FREM2: variants seen among roughly 807,000 people sequenced by gnomAD.
The protein encoded by FREM2 is FRAS1 related extracellular matrix 2.
A neutral mutation model predicts 219.9 loss-of-function variants in FREM2; 119 were observed. That is an observed-to-expected ratio of 0.54 (90% CI 0.47 to 0.63). The LOEUF (loss-of-function observed/expected upper bound fraction) is 0.63. Ranked by LOEUF, FREM2 falls within the 30% of genes least tolerant of loss-of-function variation. The pLI, the probability that FREM2 is intolerant of heterozygous loss-of-function variation, is 0.00. For synonymous variants in FREM2, 1,562 were observed against 1,522.8 expected (o/e 1.03, Z -0.60); for missense variants, 4,030 against 3,993.6 (o/e 1.01, Z -0.25).
intron 6 of FREM2, among the ~76,000 whole-genome samples, chr13:38,813,384 C>T (rs1037049582): frequency 6.7e-6 from 1 of 150,074 alleles, no homozygotes; most frequent in African/African-American, 2.4e-5. Context: ...ATATGTCATA[C>T]CCCTCTCTCC....
At chr13:38,780,152 T>A (rs2137826523) in intron 4 of FREM2, among the ~76,000 whole-genome samples, 1 of 152,314 alleles carries the variant, frequency 6.6e-6, no homozygotes, top group African/African-American at 2.4e-5. Context: ...TAATTTGACA[T>A]GTCAGCTTGG....
chr13:38,698,240 A>G (rs1717399229), intron 2 of FREM2, among the ~76,000 whole-genome samples: 1 of 152,176 alleles, frequency 6.6e-6, no homozygotes, highest in South Asian at 2.1e-4. Context: ...AATGTGTTGC[A>G]TTCACCAAGA....
At chr13:38,729,550 G>A (rs1200595883) in intron 2 of FREM2, among the ~76,000 whole-genome samples, 1 of 151,872 alleles carries the variant, frequency 6.6e-6, no homozygotes, top group African/African-American at 2.4e-5. Context: ...GTCATCTTTA[G>A]TCTTACTAAA....
At chr13:38,742,781 G>GAGACTTAAATTAGTCTC (rs2137782523) in intron 2 of FREM2, among the ~76,000 whole-genome samples, 1 of 152,296 alleles carries the variant, frequency 6.6e-6, no homozygotes, top group Non-Finnish European at 1.5e-5. Context: ...TTCTCTCAAT[G>GAGACTTAAATTAGTCTC]AATTTTGAGA....
In FREM2 at chr13:38,881,068, T is replaced by G; in HGVS notation, c.*281T>G. 1 of 489,516 alleles carries G rather than the reference T, an allele frequency of 2.0e-6. No homozygotes were observed. Among genetic ancestry groups the G allele is most frequent in the African/African-American group, 1.9e-5 (1 of 51,568 alleles). The allele number at this position is 489,516 out of a possible 1,614,324, so 30.3% of individuals were successfully genotyped here. A position where few individuals can be genotyped will look rare whatever the true frequency, so the allele number is the denominator to read the frequency against. On this transcript the variant is annotated 3_prime_UTR_variant, in exon 24 of 24. Coordinates refer to ENST00000280481, the MANE Select transcript of FREM2 (RefSeq NM_207361.6). ...GAATGTACTCCTCATTTTAGACATA[T>G]TCTCTATGCAGTGGAGATAAATCTA...
intron 6 of FREM2, among the ~76,000 whole-genome samples, chr13:38,786,729 A>G (rs1874346212): frequency 6.6e-6 from 1 of 152,186 alleles, no homozygotes; most frequent in Non-Finnish European, 1.5e-5. Context: ...ATGCACATGC[A>G]GAAAAAAACA....
rs1878565369 is a variant in FREM2, at chr13:38,881,980, A to G, written c.*1193A>G. 6.6e-6 allele frequency: 1 copy of G among 152,136 alleles called. No individual in the cohort carries two copies. Among genetic ancestry groups the G allele is most frequent in the African/African-American group, 2.4e-5 (1 of 41,436 alleles). 9.4% of individuals were successfully genotyped at this position (152,136 alleles called of 1,614,324 possible). A position where few individuals can be genotyped will look rare whatever the true frequency, so the allele number is the denominator to read the frequency against. ...GGAGGTGGCCAGAATCATTGACCAT[A>G]TTTTTATTTGGTTCAAGAAGACATC... On this transcript the variant is annotated 3_prime_UTR_variant, in exon 24 of 24. Coordinates refer to ENST00000280481, the MANE Select transcript of FREM2 (RefSeq NM_207361.6).
At chr13:38,756,999 T>G (rs1390253898) in intron 2 of FREM2, among the ~76,000 whole-genome samples, 1 of 152,160 alleles carries the variant, frequency 6.6e-6, no homozygotes, top group Non-Finnish European at 1.5e-5. Flanking sequence ...TTGATGCCCC[T>G]CTGCACGTGT....
chr13:38,697,784 G>T lies in FREM2; in HGVS notation c.5260G>T (p.Gly1754Cys). 1 of 1,581,424 alleles carries T rather than the reference G, an allele frequency of 6.3e-7. No individual in the cohort carries two copies. Among genetic ancestry groups the T allele is most frequent in the Non-Finnish European group, 8.7e-7 (1 of 1,150,264 alleles). Residue 1754 changes from glycine (G) to cysteine (C), a missense_variant, in exon 2 of 24, where the codon GGT becomes TGT. By Grantham distance (159) the Gly-to-Cys change is radical. Coordinates refer to ENST00000280481, the MANE Select transcript of FREM2 (RefSeq NM_207361.6). ...SDMFYFAVED[G>C]GGNKLTYQNF... ...TATGTTCTATTTTGCAGTTGAAGAT[G>T]GTGGTAAGTATTCCCCTCTCCTGGT...
chr13:38,872,722 A>G lies in FREM2; in HGVS notation c.7984-20A>G. On this transcript the variant is annotated intron_variant, in intron 16 of 23. Coordinates refer to ENST00000280481, the MANE Select transcript of FREM2 (RefSeq NM_207361.6). ...AGTTAACACTGAGTCATGTTGATTGATGTAATTTTGTTGTTTTAGGTCCTA... is the reference window on the plus strand; with the variant it reads ...AGTTAACACTGAGTCATGTTGATTGGTGTAATTTTGTTGTTTTAGGTCCTA... 1.9e-6 allele frequency: 3 copies of G among 1,607,652 alleles called. No individual in the cohort carries two copies. Among genetic ancestry groups the G allele is most frequent in the Non-Finnish European group, 2.6e-6 (3 of 1,174,240 alleles).
intron 3 of FREM2, among the ~76,000 whole-genome samples, chr13:38,768,060 G>T (rs1873510457): frequency 6.6e-6 from 1 of 152,114 alleles, no homozygotes; most frequent in African/African-American, 2.4e-5. Flanking sequence ...TACAGCCCCA[G>T]CACATGGAAT....
In FREM2 at chr13:38,880,593, A is replaced by G. The variant is rs1297131612; in HGVS notation, c.9316A>G (p.Ser3106Gly). 8.7e-6 allele frequency: 14 copies of G among 1,613,850 alleles called. No homozygotes were observed. The highest frequency in any genetic ancestry group is 1.1e-5 in the Non-Finnish European group (13 of 1,179,824). Residue 3106 changes from serine to glycine, a missense_variant, in exon 24 of 24, where the codon AGC becomes GGC. Physicochemically the swap from Ser to Gly is moderately conservative, Grantham distance 56. This residue lies in a region of FREM2 where 928 missense variants were observed against 1,042.9 expected (regional missense o/e 0.89). Transcript: ENST00000280481. Reference protein sequence around the residue: ...GILPWELNSPSSAVSLVTVVG... With the variant: ...GILPWELNSPGSAVSLVTVVG... ...CCTCCCCTGGGAGCTCAACAGCCCC[A>G]GCTCTGCAGTCAGCCTGGTCACTGT...
chr13:38,814,743 C>T (rs898878644), intron 6 of FREM2, among the ~76,000 whole-genome samples: 9 of 152,190 alleles, frequency 5.9e-5, no homozygotes, highest in African/African-American at 1.7e-4. Flanking sequence ...ACCTGATGTT[C>T]TATTCTACTG....
Position 38,690,729 on chromosome 13 carries a change from G to A in FREM2, c.3385G>A (p.Ala1129Thr). The A allele has an allele frequency of 6.2e-7, 1 of 1,614,116 alleles. No homozygotes were observed. The highest frequency in any genetic ancestry group is 8.5e-7 in the Non-Finnish European group (1 of 1,180,038). The stretch of plus-strand genomic sequence containing the variant: ...AGCACCAGGCTCTGAGAAATCAAGA[G>A]CAGGGATTGCCATAAGTGCTTTCAA... ...SPAPGSEKSR[A>T]GIAISAFNLK... The change falls in exon 1 of 24, where the codon GCA becomes ACA. Residue 1129 changes from alanine (A) to threonine (T), a missense_variant. This residue lies in a region of FREM2 where 3,102 missense variants were observed against 2,950.7 expected (regional missense o/e 1.05). Transcript: ENST00000280481.
At chr13:38,813,135 T>G (rs1256957254) in intron 6 of FREM2, among the ~76,000 whole-genome samples, 1 of 152,114 alleles carries the variant, frequency 6.6e-6, no homozygotes, top group Non-Finnish European at 1.5e-5. Context: ...TTTTTCTGTC[T>G]GCTTCCTATT....
In FREM2 at chr13:38,688,569, G is replaced by C. The variant is rs753767299; in HGVS notation, c.1225G>C (p.Glu409Gln). ...SEDSDQERLF[E>Q]LELEVVDLEG... is the part of the protein sequence containing the mutation. ...AGACTCTGACCAGGAGCGCCTCTTT[G>C]AACTGGAATTGGAGGTAGTGGATCT... Residue 409 changes from glutamate (E) to glutamine (Q), a missense_variant, in exon 1 of 24, where the codon GAA (glutamate) becomes CAA (glutamine). This residue lies in a region of FREM2 where 3,102 missense variants were observed against 2,950.7 expected (regional missense o/e 1.05). Coordinates refer to ENST00000280481, the MANE Select transcript of FREM2 (RefSeq NM_207361.6). 1 of 1,613,616 alleles carries C rather than the reference G, an allele frequency of 6.2e-7. No homozygotes were observed. Among genetic ancestry groups the C allele is most frequent in the South Asian group, 1.1e-5 (1 of 91,028 alleles).
rs766949299 is a variant in FREM2, at chr13:38,851,106, A to G, written c.6740A>G (p.Asp2247Gly). The change falls in exon 10 of 24, where the codon GAT becomes GGT. Residue 2247 changes from aspartate to glycine, a missense_variant and splice_region_variant. Transcript: ENST00000280481. ...ETLIRIRDDA[D>G]KTVIKFGETK... Reference sequence around the variant, plus strand: ...CTCATAAGGATCCGAGATGATGCTGATAGTAAGAAATCTTTTTTTGTTTGT... The same window carrying G: ...CTCATAAGGATCCGAGATGATGCTGGTAGTAAGAAATCTTTTTTTGTTTGT... The G allele has an allele frequency of 3.7e-6, 6 of 1,613,342 alleles. No individual in the cohort carries two copies. In the Admixed American group the frequency reaches 1.0e-4, roughly 27 times the overall value.
chr13:38,796,404 C>G (rs1874783728), intron 6 of FREM2, among the ~76,000 whole-genome samples: 2 of 152,126 alleles, frequency 1.3e-5, no homozygotes, highest in South Asian at 4.1e-4. Context: ...ATTATCTGAA[C>G]TTTTTGGTTG....
In FREM2 at chr13:38,878,817, C is replaced by T. The variant is rs186109759; in HGVS notation, c.8860-14C>T. On this transcript the variant is annotated splice_polypyrimidine_tract_variant and intron_variant, in intron 22 of 23. Transcript: ENST00000280481. ...ATTATCTACAGCAATCACCACTTTC[C>T]TTACTGCTTAAAGGACAAAGCTCAG... 20 of 1,614,004 alleles carry T rather than the reference C, an allele frequency of 1.2e-5. No homozygotes were observed. In the East Asian group the frequency reaches 4.2e-4, roughly 34 times the overall value.
Sources: allele counts gnomAD v4.1 joint callset (sites outside exome capture counted in the v4.1 genomes callset), GRCh38; gene constraint gnomAD v4.1.1; regional missense constraint gnomAD v4.1.1; transcripts MANE v1.5; gene names NCBI Gene and HGNC (gene_info 2026-07-23, HGNC 2026-07-21).